MEAF6: variants seen among roughly 807,000 people sequenced by gnomAD.
MEAF6 encodes the protein MYST/Esa1 associated factor 6.
MEAF6 carries 15 observed loss-of-function variants against 28.9 expected under a neutral mutation model. That is an observed-to-expected ratio of 0.52 (90% CI 0.35 to 0.80). MEAF6 has a LOEUF of 0.80. MEAF6 is among the 30% of genes least tolerant of loss of function. The pLI is 0.01. For missense variants in MEAF6, 178 were observed against 237.5 expected, an observed-to-expected ratio of 0.75 and a Z score of 1.65; for synonymous variants, 97 against 88.7, an observed-to-expected ratio of 1.09 and a Z score of -0.53.
intron 6 of MEAF6, 65 bp from the exon 7 acceptor site, chr1:37,494,172 A>G: frequency 7.1e-7 from 1 of 1,416,200 alleles, no homozygotes; most frequent in Non-Finnish European, 9.8e-7. Flanking sequence ...CCCTAAAGGA[A>G]AAAAAAAATC....
At chr1:37,506,122 T>G (rs1278776695) in intron 4 of MEAF6, among the ~76,000 whole-genome samples, 1 of 152,036 alleles carries the variant, frequency 6.6e-6, no homozygotes, top group Non-Finnish European at 1.5e-5. Context: ...AATACAAAAA[T>G]TAGCTGGGCA....
At chr1:37,513,591 A>G (rs1190541798) in intron 1 of MEAF6, 53 bp from the exon 2 acceptor site, 1 of 1,367,812 alleles carries the variant, frequency 7.3e-7, no homozygotes, top group Admixed American at 1.7e-5. Context: ...GCAAACACTT[A>G]AGTCTGGCCA....
intron 5 of MEAF6, chr1:37,501,287 A>G (rs967069761): frequency 1.3e-5 from 2 of 152,274 alleles, no homozygotes; most frequent in Admixed American, 1.3e-4. Context: ...AAGTCAGCAT[A>G]TTGCTGAGAA....
intron 5 of MEAF6, chr1:37,501,406 G>C (rs1334727386): frequency 1.3e-5 from 2 of 158,920 alleles, no homozygotes; most frequent in Non-Finnish European, 2.7e-5. Flanking sequence ...AGTAGGCAAA[G>C]ATCAGAATTA....
Position 37,509,277 on chromosome 1 carries a change from C to G in MEAF6, c.340+1G>C. 6.2e-7 allele frequency: 1 copy of G among 1,613,680 alleles called. No homozygotes were observed. Among genetic ancestry groups the G allele is most frequent in the Non-Finnish European group, 8.5e-7 (1 of 1,179,636 alleles). ...TGAGAAACATAAAAACATCAACTTA[C>G]TCTTTTCAATGAGCTGGTCCTGAAC... is the stretch of plus-strand genomic sequence containing the variant. On this transcript the variant is annotated splice_donor_variant, in intron 4 of 6. Coordinates refer to ENST00000296214, the MANE Select transcript of MEAF6 (RefSeq NM_001270875.3). LOFTEE classifies it high-confidence loss of function.
intron 5 of MEAF6, among the ~76,000 whole-genome samples, chr1:37,497,066 A>C (rs1422902904): frequency 6.6e-6 from 1 of 152,348 alleles, no homozygotes; most frequent in Non-Finnish European, 1.5e-5. Flanking sequence ...TTAGGGCATT[A>C]GAAGAAACAG....
At chr1:37,495,694 AAACAAAAAAC>A (rs1569952625) in intron 6 of MEAF6, among the ~76,000 whole-genome samples, 181 bp downstream of exon 6, 1 of 110,542 alleles carries the variant, frequency 9.0e-6, no homozygotes, top group South Asian at 2.6e-4. Context: ...CAAAAAAAAA[AAACAAAAAAC>A]AAAAAAAAAA....
chr1:37,491,112 T>A lies in MEAF6; in HGVS notation c.*2987A>T, dbSNP rs147128607. 1.4e-4 allele frequency among the ~76,000 whole-genome samples: 22 copies of A among 152,316 alleles called. No homozygotes were observed. The highest frequency in any genetic ancestry group is 5.3e-4 in the African/African-American group (22 of 41,572). On this transcript the variant is annotated 3_prime_UTR_variant, in exon 7 of 7. Transcript: ENST00000296214. ...AGACAGAATAAATGCAAAAACTAAG[T>A]CACAGAGTGTTTCAAGCTTAGGCTC...
chr1:37,503,233 G>T (rs1642372524), intron 4 of MEAF6, among the ~76,000 whole-genome samples: 1 of 152,176 alleles, frequency 6.6e-6, no homozygotes, highest in Admixed American at 6.5e-5. Flanking sequence ...CACGCATTCT[G>T]CTAAGAATAC....
chr1:37,509,603 T>C, intron 2 of MEAF6, 61 bp from the exon 3 acceptor site: 1 of 1,453,872 alleles, frequency 6.9e-7, no homozygotes, highest in Non-Finnish European at 9.6e-7. Context: ...AAGCTGGGGA[T>C]GCCCCAGGAC....
At chr1:37,501,710 G>C in intron 5 of MEAF6, 94 bp downstream of exon 5, 1 of 1,218,900 alleles carries the variant, frequency 8.2e-7, no homozygotes, top group Non-Finnish European at 1.1e-6. Flanking sequence ...GCAACAGAAA[G>C]AGTCTGCAGC....
rs901520992 is a variant in MEAF6, at chr1:37,491,236, G to A, written c.*2863C>T. Among the ~76,000 whole-genome samples the A allele has an allele frequency of 2.0e-5, 3 of 152,118 alleles. No homozygotes were observed. Among genetic ancestry groups the A allele is most frequent in the Non-Finnish European group, 4.4e-5 (3 of 68,016 alleles). ...AATACTCTATATTGCCAGGTGCCAG[G>A]GCTCATGCCTGTAATCCCAGCACTT... On this transcript the variant is annotated 3_prime_UTR_variant, in exon 7 of 7. Coordinates refer to ENST00000296214, the MANE Select transcript of MEAF6 (RefSeq NM_001270875.3).
intron 4 of MEAF6, among the ~76,000 whole-genome samples, chr1:37,505,738 C>T (rs1268027331): frequency 6.6e-6 from 1 of 152,182 alleles, no homozygotes; most frequent in Non-Finnish European, 1.5e-5. Context: ...CTGGTATCAA[C>T]GTATAAATCA....
chr1:37,509,234 AG>A, intron 4 of MEAF6, 43 bp downstream of exon 4: 1 of 1,538,182 alleles, frequency 6.5e-7, no homozygotes, highest in South Asian at 1.1e-5. Flanking sequence ...GGGTGATGGT[AG>A]CTTAAAAATA....
Position 37,493,916 on chromosome 1 carries a change from A to G in MEAF6, c.*183T>C. On this transcript the variant is annotated 3_prime_UTR_variant, in exon 7 of 7. Transcript: ENST00000296214. ...TAAAAATGACATAAAGTAAGACCCA[A>G]TGTCTTACAGAAATGACTTGTTTGT... is the stretch of plus-strand genomic sequence containing the variant. 10 of 1,585,938 alleles carry G rather than the reference A, an allele frequency of 6.3e-6. No homozygotes were observed. The South Asian group carries it at 8.0e-5, about 13-fold the overall frequency.
In MEAF6 at chr1:37,490,321, G is replaced by A. The variant is rs1276505774; in HGVS notation, c.*3778C>T. 6.6e-6 allele frequency among the ~76,000 whole-genome samples: 1 copy of A among 152,096 alleles called. No individual in the cohort carries two copies. Among genetic ancestry groups the A allele is most frequent in the Non-Finnish European group, 1.5e-5 (1 of 68,032 alleles). ...TTCAAATCACGAAGCTTACCACTTA[G>A]ACAATTCAGACAAGGTAATGCTCAT... On this transcript the variant is annotated 3_prime_UTR_variant, in exon 7 of 7. Coordinates refer to ENST00000296214, the MANE Select transcript of MEAF6 (RefSeq NM_001270875.3).
rs575476033 is a variant in MEAF6 at position 37,490,315 on chromosome 1, C to A, written c.*3784G>T. ...AACTGTTTCAAATCACGAAGCTTAC[C>A]ACTTAGACAATTCAGACAAGGTAAT... On this transcript the variant is annotated 3_prime_UTR_variant, in exon 7 of 7. Coordinates refer to ENST00000296214, the MANE Select transcript of MEAF6 (RefSeq NM_001270875.3). Among the ~76,000 whole-genome samples, 1 of 152,196 alleles carries A rather than the reference C, an allele frequency of 6.6e-6. No individual in the cohort carries two copies. Among genetic ancestry groups the A allele is most frequent in the Non-Finnish European group, 1.5e-5 (1 of 68,018 alleles).
chr1:37,492,177 C>T lies in MEAF6; in HGVS notation c.*1922G>A, dbSNP rs1021516847. Among the ~76,000 whole-genome samples the T allele has an allele frequency of 1.2e-4, 18 of 152,076 alleles. No individual in the cohort carries two copies. The highest frequency in any genetic ancestry group is 2.4e-4 in the Non-Finnish European group (16 of 68,018). ...CCGAGTAGCTGGGACTACCGGCACC[C>T]GCCACCACGCTCAGCTAATTTTTTG... is the stretch of plus-strand genomic sequence containing the variant. On this transcript the variant is annotated 3_prime_UTR_variant, in exon 7 of 7. Coordinates refer to ENST00000296214, the MANE Select transcript of MEAF6 (RefSeq NM_001270875.3).
At chr1:37,511,439 G>A (rs534850118) in intron 2 of MEAF6, among the ~76,000 whole-genome samples, 65 of 152,134 alleles carry the variant, frequency 4.3e-4, no homozygotes, top group Non-Finnish European at 8.5e-4. Flanking sequence ...AAGAATCAAC[G>A]GTGTATACTA....
Sources: allele counts gnomAD v4.1 joint callset (sites outside exome capture counted in the v4.1 genomes callset), GRCh38; gene constraint gnomAD v4.1.1; transcripts MANE v1.5; gene names NCBI Gene and HGNC (gene_info 2026-07-23, HGNC 2026-07-21).